Variants in IMMP2L observed in about 807,000 individuals in gnomAD.
The protein encoded by IMMP2L is mitochondrial inner membrane protease subunit 2.
In IMMP2L, 18 loss-of-function variants were observed where a neutral mutation model predicts 19.3. The ratio of observed to expected loss-of-function variants is 0.93; its 90% CI spans 0.64 to 1.38. The LOEUF (loss-of-function observed/expected upper bound fraction) is 1.38. IMMP2L is among the 40% of genes most tolerant of loss of function. The probability of loss-of-function intolerance (pLI) is 0.00; values close to 1 mark genes in which losing one functional copy is unlikely to be tolerated. For synonymous variants in IMMP2L, 76 were observed against 73.0 expected, an observed-to-expected ratio of 1.04 and a Z score of -0.21; for missense variants, 233 against 218.2, an observed-to-expected ratio of 1.07 and a Z score of -0.43.
At chr7:110,735,155 A>C (rs932755538) in intron 5 of IMMP2L, among the ~76,000 whole-genome samples, 1 of 152,174 alleles carries the variant, frequency 6.6e-6, no homozygotes, top group Non-Finnish European at 1.5e-5. Flanking sequence ...CGTGCGCAGT[A>C]AGGGGAACAA....
chr7:111,341,322 G>A (rs1236583512), intron 3 of IMMP2L, among the ~76,000 whole-genome samples: 1 of 151,896 alleles, frequency 6.6e-6, no homozygotes, highest in African/African-American at 2.4e-5. Flanking sequence ...ACTGTTCTAG[G>A]CACCTGTCTC....
chr7:110,745,746 A>G (rs894111629), intron 5 of IMMP2L, among the ~76,000 whole-genome samples: 3 of 152,242 alleles, frequency 2.0e-5, no homozygotes, highest in African/African-American at 4.8e-5. Flanking sequence ...GAACTCCTCA[A>G]GGAAGCACTA....
At chr7:110,724,500 G>A (rs1795768637) in intron 5 of IMMP2L, 1 of 152,116 alleles carries the variant, frequency 6.6e-6, no homozygotes, top group South Asian at 2.1e-4. Flanking sequence ...CTACATTGTA[G>A]GAAAGCAACA....
chr7:111,259,574 G>A (rs894137916), intron 3 of IMMP2L, among the ~76,000 whole-genome samples: 7 of 152,000 alleles, frequency 4.6e-5, no homozygotes, highest in African/African-American at 1.7e-4. Flanking sequence ...GGAGTTCAAG[G>A]ATGCAGTGGG....
intron 5 of IMMP2L, among the ~76,000 whole-genome samples, chr7:110,699,540 G>A (rs369006298): frequency 1.1e-3 from 160 of 152,240 alleles, no homozygotes; most frequent in African/African-American, 3.7e-3. Context: ...GGAGGCCGAG[G>A]CGGGCGGATC....
At chr7:110,836,265 T>G (rs1186016391) in intron 5 of IMMP2L, among the ~76,000 whole-genome samples, 1 of 152,052 alleles carries the variant, frequency 6.6e-6, no homozygotes, top group Non-Finnish European at 1.5e-5. Context: ...TCTCTGAGAG[T>G]AAAACCTGAA....
chr7:110,804,993 G>A (rs1226455502), intron 5 of IMMP2L, among the ~76,000 whole-genome samples: 1 of 152,056 alleles, frequency 6.6e-6, no homozygotes, highest in African/African-American at 2.4e-5. Context: ...ATTAAATAAG[G>A]AAATAAAATC....
At chr7:110,988,379 T>A (rs144215490) in intron 3 of IMMP2L, among the ~76,000 whole-genome samples, 1 of 152,276 alleles carries the variant, frequency 6.6e-6, no homozygotes, top group Non-Finnish European at 1.5e-5. Flanking sequence ...GGTTCAAGCA[T>A]GGGAAATATC....
At chr7:111,307,548 T>C (rs920023385) in intron 3 of IMMP2L, among the ~76,000 whole-genome samples, 3 of 151,728 alleles carry the variant, frequency 2.0e-5, no homozygotes, top group Admixed American at 2.0e-4. Context: ...ATATCTGCTA[T>C]ATATAACATA....
intron 3 of IMMP2L, among the ~76,000 whole-genome samples, chr7:111,158,364 CAT>C (rs930194269): frequency 6.6e-6 from 1 of 152,016 alleles, no homozygotes; most frequent in Non-Finnish European, 1.5e-5. Context: ...ACAGTAAAAA[CAT>C]AATTCATAAG....
intron 3 of IMMP2L, among the ~76,000 whole-genome samples, chr7:111,140,089 A>G (rs1802729163): frequency 6.6e-6 from 1 of 152,194 alleles, no homozygotes; most frequent in African/African-American, 2.4e-5. Flanking sequence ...AAGGAAACCA[A>G]CTAAAAACAG....
In IMMP2L at chr7:111,485,597, C is replaced by CAAAAAAAAAAAAAAAAAAA. The variant is rs71147477; in HGVS notation, c.239+1622_239+1640dup. Reference sequence around the variant, plus strand: ...TGCGCAACAGAGCGAGACTCTGTTTCAAAAAAAAAAAAAAAAAAAAAAAAA... The same window carrying CAAAAAAAAAAAAAAAAAAA: ...TGCGCAACAGAGCGAGACTCTGTTTCAAAAAAAAAAAAAAAAAAAAAAAAAAAAAAAAAAAAAAAAAAAA... On this transcript the variant is annotated intron_variant, in intron 3 of 5. Transcript: ENST00000405709. Among the ~76,000 whole-genome samples the CAAAAAAAAAAAAAAAAAAA allele has an allele frequency of 4.0e-5, 2 of 50,596 alleles. 1 individual carries two copies. Among genetic ancestry groups the CAAAAAAAAAAAAAAAAAAA allele is most frequent in the African/African-American group, 1.7e-4 (2 of 11,688 alleles). The allele number at this position is 50,596 out of a possible 152,430, so 33.2% of individuals were successfully genotyped here.
At chr7:110,809,081 C>G (rs548042251) in intron 5 of IMMP2L, among the ~76,000 whole-genome samples, 6 of 152,116 alleles carry the variant, frequency 3.9e-5, no homozygotes, top group African/African-American at 1.4e-4. Context: ...CACAGTGAAG[C>G]TCAATTACCG....
chr7:111,484,107 CA>C (rs1722316471), intron 3 of IMMP2L, among the ~76,000 whole-genome samples: 1 of 152,204 alleles, frequency 6.6e-6, no homozygotes, highest in South Asian at 2.1e-4. Flanking sequence ...CTTGCATCCA[CA>C]GACAGCCTCA....
At chr7:111,447,705 C>G (rs1284157038) in intron 3 of IMMP2L, among the ~76,000 whole-genome samples, 1 of 151,318 alleles carries the variant, frequency 6.6e-6, no homozygotes, top group Admixed American at 6.6e-5. Flanking sequence ...TCACACATAA[C>G]AATATTAACT....
chr7:110,672,282 G>T (rs10244855), intron 5 of IMMP2L, among the ~76,000 whole-genome samples: 83,182 of 151,782 alleles, frequency 0.55, 23,987 homozygotes, highest in African/African-American at 0.72. Context: ...TGAGACTCAC[G>T]CACTATCACA....
intron 4 of IMMP2L, among the ~76,000 whole-genome samples, chr7:110,904,550 GTTATATGCATGGA>G (rs1435542928): frequency 6.6e-6 from 1 of 152,182 alleles, no homozygotes; most frequent in Non-Finnish European, 1.5e-5. Flanking sequence ...TCAAAGATCA[GTTATATGCATGGA>G]TTTATTCCCA....
In IMMP2L at chr7:110,758,396, A is replaced by G. The variant is rs1798156374; in HGVS notation, c.409-94675T>C. Among the ~76,000 whole-genome samples the G allele has an allele frequency of 1.3e-5, 2 of 152,048 alleles. No individual in the cohort carries two copies. Among genetic ancestry groups the G allele is most frequent in the South Asian group, 4.1e-4 (2 of 4,828 alleles). On this transcript the variant is annotated intron_variant, in intron 5 of 5. Transcript: ENST00000405709. The surrounding 1 kb of genome is among the most constrained non-coding windows in gnomAD (Gnocchi z 4.6). ...ACAGAGATTTTAAAAAATATATAGG[A>G]TAACAAACAGCACGTTAGTATGCTA...
intron 5 of IMMP2L, among the ~76,000 whole-genome samples, chr7:110,802,081 T>C (rs1801290442): frequency 6.6e-6 from 1 of 152,092 alleles, no homozygotes; most frequent in South Asian, 2.1e-4. Flanking sequence ...GTGTTATGAA[T>C]GAACCAGAAT....
Sources: gnomAD v4.1 joint callset for allele counts (sites outside exome capture counted in the v4.1 genomes callset) on GRCh38, gnomAD v4.1.1 for gene constraint, Gnocchi (gnomAD v3.1) non-coding constraint, MANE v1.5 for transcripts, NCBI Gene and HGNC (gene_info 2026-07-23, HGNC 2026-07-21) for gene names.